ZNF479: variants seen among roughly 807,000 people sequenced by gnomAD.
The protein encoded by ZNF479 is KRAB zinc finger protein KR19.
A neutral mutation model predicts 14.7 loss-of-function variants in ZNF479; 15 were observed. The ratio of observed to expected loss-of-function variants is 1.02; its 90% confidence interval spans 0.68 to 1.57. The LOEUF (loss-of-function observed/expected upper bound fraction) is 1.57, where lower values mean the gene tolerates loss of function less well. Ranked by LOEUF, ZNF479 falls within the 40% of genes most tolerant of loss-of-function variation. ZNF479 has a pLI of 0.00. For missense variants in ZNF479, 506 were observed against 615.1 expected, an observed-to-expected ratio of 0.82 and a Z score of 1.88; for synonymous variants, 145 against 211.5, an observed-to-expected ratio of 0.69 and a Z score of 2.73.
intron 1 of ZNF479, among the ~76,000 whole-genome samples, chr7:57,127,886 T>C (rs941327428): frequency 2.0e-5 from 3 of 150,988 alleles, no homozygotes; most frequent in Non-Finnish European, 4.4e-5. Flanking sequence ...ATTTCTCTCC[T>C]CTCAGAAAAG....
chr7:57,119,520 T>C lies in ZNF479; in HGVS notation c.*320A>G, dbSNP rs528133298. On this transcript the variant is annotated 3_prime_UTR_variant, in exon 4 of 4. Coordinates refer to ENST00000319636, the MANE Select transcript of ZNF479 (RefSeq NM_001370129.2). ...TACTCAGGAGGCTGAGGCAGGAGAA[T>C]CGCTTGAACCCGGAAGGCAGAGGTT... is the stretch of plus-strand genomic sequence containing the variant. 4.7e-5 allele frequency: 12 copies of C among 254,772 alleles called. No individual in the cohort carries two copies. Among genetic ancestry groups the C allele is most frequent in the Admixed American group, 3.1e-4 (6 of 19,650 alleles). 15.8% of individuals were successfully genotyped at this position (254,772 alleles called of 1,614,324 possible).
chr7:57,124,147 T>C (rs1326488257), intron 3 of ZNF479, among the ~76,000 whole-genome samples: 4 of 152,080 alleles, frequency 2.6e-5, no homozygotes, highest in Non-Finnish European at 5.9e-5. Context: ...AATTTTTAAA[T>C]TTTATTATGA....
At chr7:57,127,714 C>A (rs1384089664) in intron 1 of ZNF479, 1 of 194,234 alleles carries the variant, frequency 5.1e-6, no homozygotes, top group Non-Finnish European at 9.4e-6. Flanking sequence ...GCTAGTAAAT[C>A]TCCTAAGTGT....
chr7:57,137,209 T>C (rs1453645732), upstream of ZNF479, among the ~76,000 whole-genome samples: 3 of 152,174 alleles, frequency 2.0e-5, no homozygotes, highest in Non-Finnish European at 4.4e-5. Context: ...CAATCTTTGC[T>C]CACTACAACT....
rs1343575783 is a variant in ZNF479, at chr7:57,119,744, G to C, written c.*96C>G. On this transcript the variant is annotated 3_prime_UTR_variant, in exon 4 of 4. Coordinates refer to ENST00000319636, the MANE Select transcript of ZNF479 (RefSeq NM_001370129.2). ...TTACATTCAATTAAGGTTTGGAACTGGTTAAAGGCTTGGCCACATTCTCTA... is the reference window on the plus strand; with the variant it reads ...TTACATTCAATTAAGGTTTGGAACTCGTTAAAGGCTTGGCCACATTCTCTA... The C allele has an allele frequency of 8.9e-7, 1 of 1,121,400 alleles. No homozygotes were observed. The highest frequency in any genetic ancestry group is 2.6e-5 in the Admixed American group (1 of 37,998). The allele number at this position is 1,121,400 out of a possible 1,614,324, so 69.5% of individuals were successfully genotyped here.
intron 3 of ZNF479, among the ~76,000 whole-genome samples, chr7:57,121,388 G>A (rs1785941381): frequency 2.0e-5 from 3 of 152,134 alleles, no homozygotes; most frequent in African/African-American, 7.2e-5. Context: ...GATGTCCAGA[G>A]CCATATAGAG....
intron 3 of ZNF479, among the ~76,000 whole-genome samples, chr7:57,121,697 A>G (rs1479695718): frequency 1.3e-5 from 2 of 152,200 alleles, no homozygotes; most frequent in East Asian, 3.9e-4. Context: ...GTGTCATGCT[A>G]TGACAGGAAG....
At chr7:57,123,560 G>T (rs1294850972) in intron 3 of ZNF479, among the ~76,000 whole-genome samples, 3 of 152,040 alleles carry the variant, frequency 2.0e-5, no homozygotes, top group Non-Finnish European at 2.9e-5. Flanking sequence ...TCAGCCAGGT[G>T]CAGTGGCTCA....
At chr7:57,138,450 T>C (rs1362637131) in intron 1 of ZNF479, among the ~76,000 whole-genome samples, 2 of 152,210 alleles carry the variant, frequency 1.3e-5, no homozygotes, top group African/African-American at 4.8e-5. Flanking sequence ...AACTTATTGG[T>C]GAAGTCTTGA....
upstream of ZNF479, among the ~76,000 whole-genome samples, chr7:57,133,943 T>C (rs780673030): frequency 1.1e-4 from 16 of 152,234 alleles, no homozygotes; most frequent in Non-Finnish European, 2.2e-4. Context: ...ATCCAAATTA[T>C]TATTATTTTA....
At chr7:57,127,933 A>C (rs1786245268) in intron 1 of ZNF479, among the ~76,000 whole-genome samples, 1 of 75,160 alleles carries the variant, frequency 1.3e-5, no homozygotes, top group Admixed American at 1.5e-4. Flanking sequence ...TTATATATAT[A>C]TATATTTTTT....
chr7:57,119,708 T>A lies in ZNF479; in HGVS notation c.*132A>T, dbSNP rs186428473. 12 of 912,458 alleles carry A rather than the reference T, an allele frequency of 1.3e-5. No individual in the cohort carries two copies. The highest frequency in any genetic ancestry group is 1.8e-5 in the Non-Finnish European group (11 of 611,322). The allele number at this position is 912,458 out of a possible 1,614,324, so 56.5% of individuals were successfully genotyped here. On this transcript the variant is annotated 3_prime_UTR_variant, in exon 4 of 4. Coordinates refer to ENST00000319636, the MANE Select transcript of ZNF479 (RefSeq NM_001370129.2). Reference sequence around the variant, plus strand: ...TTACATTTATAAAATTTCTGTCCAATATGAATTCTCTTACATTCAATTAAG... The same window carrying A: ...TTACATTTATAAAATTTCTGTCCAAAATGAATTCTCTTACATTCAATTAAG...
chr7:57,120,158 G>C lies in ZNF479; in HGVS notation c.1257C>G (p.Ser419Arg), dbSNP rs1554399909. The change falls in exon 4 of 4, where the codon AGC becomes AGG. Residue 419 changes from serine (S) to arginine (R), a missense_variant. Coordinates refer to ENST00000319636, the MANE Select transcript of ZNF479 (RefSeq NM_001370129.2). ...TGTGGTCAGTGAGGGTTGAGGATAA[G>C]CTAAAGACTTTGCCACACTCTTCAC... Reference protein sequence around the residue: ...YKCEECGKVFSLSSTLTDHKR... With the variant: ...YKCEECGKVFRLSSTLTDHKR... 6.2e-7 allele frequency: 1 copy of C among 1,610,958 alleles called. No individual in the cohort carries two copies. The highest frequency in any genetic ancestry group is 8.5e-7 in the Non-Finnish European group (1 of 1,179,082).
In ZNF479 at chr7:57,120,337, G is replaced by A; in HGVS notation, c.1078C>T (p.Gln360Ter). 1 of 1,608,576 alleles carries A rather than the reference G, an allele frequency of 6.2e-7. No homozygotes were observed. Among genetic ancestry groups the A allele is most frequent in the Non-Finnish European group, 8.5e-7 (1 of 1,177,730 alleles). Residue 360 changes from glutamine to a stop codon, truncating the protein, a stop_gained, in exon 4 of 4, where the codon CAA becomes TAA. Coordinates refer to ENST00000319636, the MANE Select transcript of ZNF479 (RefSeq NM_001370129.2). LOFTEE classifies it low-confidence loss of function (END_TRUNC). ...AGGTTCGAGGATAAGCTAAAGGCTT[G>A]GCCACATTCTTCACAGGCATAGGGT... ...EKPYACEECG[Q>*]AFSLSSNLMR...
intron 1 of ZNF479, among the ~76,000 whole-genome samples, chr7:57,129,007 C>T (rs1036690148): frequency 2.0e-5 from 3 of 152,106 alleles, no homozygotes; most frequent in Non-Finnish European, 4.4e-5. Context: ...GCAGAAAGAC[C>T]GAGACTTGCA....
At chr7:57,123,185 A>T (rs1485965154) in intron 3 of ZNF479, among the ~76,000 whole-genome samples, 1 of 152,162 alleles carries the variant, frequency 6.6e-6, no homozygotes, top group African/African-American at 2.4e-5. Flanking sequence ...ATTATAGTGG[A>T]AGGCAAAGAA....
At chr7:57,130,309 C>T in intron 1 of ZNF479, among the ~76,000 whole-genome samples, 1 of 152,100 alleles carries the variant, frequency 6.6e-6, no homozygotes, top group East Asian at 1.9e-4. Flanking sequence ...CCAATCTCTA[C>T]TAAAAACACA....
upstream of ZNF479, among the ~76,000 whole-genome samples, chr7:57,133,663 C>G (rs775123366): frequency 2.6e-5 from 4 of 152,092 alleles, no homozygotes; most frequent in African/African-American, 4.8e-5. Flanking sequence ...GTCAGGAGTT[C>G]GAGACCAGCC....
At chr7:57,136,597 A>C (rs1287467218), upstream of ZNF479, among the ~76,000 whole-genome samples, 2 of 152,210 alleles carry the variant, frequency 1.3e-5, no homozygotes, top group Non-Finnish European at 2.9e-5. Context: ...GATCTTGAGC[A>C]GTTAAAAACC....
Sources: allele counts gnomAD v4.1 joint callset (sites outside exome capture counted in the v4.1 genomes callset), GRCh38; gene constraint gnomAD v4.1.1; transcripts MANE v1.5; gene names NCBI Gene and HGNC (gene_info 2026-07-23, HGNC 2026-07-21).